Variants in DPYD observed in about 807,000 individuals in gnomAD.
DPYD encodes the protein dihydropyrimidine dehydrogenase, also known as dihydropyrimidine dehydrogenase [NADP(+)].
A neutral mutation model predicts 116.2 loss-of-function variants in DPYD; 109 were observed. That is an observed-to-expected ratio of 0.94 (90% CI 0.80 to 1.10). DPYD has a LOEUF of 1.10. Among genes scored for constraint, DPYD ranks in the 50% least tolerant of loss-of-function variants. DPYD has a pLI of 0.00. For synonymous variants in DPYD, 440 were observed against 432.0 expected, an observed-to-expected ratio of 1.02 and a Z score of -0.23; for missense variants, 1,302 against 1,254.5, an observed-to-expected ratio of 1.04 and a Z score of -0.57.
At chr1:97,852,021 T>G (rs1488283791) in intron 2 of DPYD, among the ~76,000 whole-genome samples, 4 of 117,970 alleles carry the variant, frequency 3.4e-5, no homozygotes, top group Non-Finnish European at 7.2e-5. Flanking sequence ...CTGTGCAATT[T>G]ACAAAAAAAA....
chr1:97,690,882 ATT>A (rs1462127027), intron 7 of DPYD, among the ~76,000 whole-genome samples: 2 of 151,986 alleles, frequency 1.3e-5, no homozygotes, highest in Admixed American at 1.3e-4. Context: ...ACCACAAAAT[ATT>A]TTTTTGAGTG....
chr1:97,669,382 A>G (rs566487452), intron 8 of DPYD, among the ~76,000 whole-genome samples: 2 of 152,256 alleles, frequency 1.3e-5, no homozygotes, highest in Admixed American at 1.3e-4. Flanking sequence ...TTATAACAGT[A>G]CTAAGTAATA....
At chr1:97,238,157 T>C (rs1225492986) in intron 18 of DPYD, among the ~76,000 whole-genome samples, 1 of 152,196 alleles carries the variant, frequency 6.6e-6, no homozygotes, top group East Asian at 1.9e-4. Flanking sequence ...TCTTCCTTTC[T>C]AACGCTTTTA....
chr1:97,332,946 C>G (rs1669091372), intron 16 of DPYD, among the ~76,000 whole-genome samples: 1 of 152,078 alleles, frequency 6.6e-6, no homozygotes, highest in Non-Finnish European at 1.5e-5. Flanking sequence ...GTTGAACTTT[C>G]AAGAGCTTTT....
At chr1:97,683,371 T>C (rs1185738515) in intron 7 of DPYD, among the ~76,000 whole-genome samples, 1 of 151,820 alleles carries the variant, frequency 6.6e-6, no homozygotes, top group Non-Finnish European at 1.5e-5. Context: ...GAAAACAAGA[T>C]GTTATAAGAG....
intron 2 of DPYD, among the ~76,000 whole-genome samples, chr1:97,841,702 T>C (rs748267884): frequency 2.0e-5 from 3 of 151,690 alleles, no homozygotes; most frequent in Non-Finnish European, 4.4e-5. Context: ...CTAAAGGGAG[T>C]AGCAGGGGAA....
intron 12 of DPYD, among the ~76,000 whole-genome samples, chr1:97,548,480 T>C (rs1415893743): frequency 1.3e-5 from 2 of 152,184 alleles, no homozygotes; most frequent in Non-Finnish European, 2.9e-5. Context: ...CTTATGTCTG[T>C]AATCCCAGCA....
At chr1:97,842,613 A>T (rs1170280219) in intron 2 of DPYD, among the ~76,000 whole-genome samples, 1 of 152,056 alleles carries the variant, frequency 6.6e-6, no homozygotes, top group Non-Finnish European at 1.5e-5. Flanking sequence ...TTCATTAATT[A>T]TTATAACTAA....
At chr1:97,554,664 G>C (rs541456813) in intron 11 of DPYD, among the ~76,000 whole-genome samples, 1 of 152,214 alleles carries the variant, frequency 6.6e-6, no homozygotes, top group South Asian at 2.1e-4. Context: ...TGTTTAAATA[G>C]AATAACCTGG....
chr1:97,371,698 T>C (rs1220608988), intron 16 of DPYD, among the ~76,000 whole-genome samples: 2 of 152,210 alleles, frequency 1.3e-5, no homozygotes, highest in Admixed American at 6.5e-5. Context: ...TCATTTAAAA[T>C]ATGTTGGAAC....
At chr1:97,205,301 T>G (rs999026938) in intron 19 of DPYD, among the ~76,000 whole-genome samples, 2 of 152,136 alleles carry the variant, frequency 1.3e-5, no homozygotes, top group African/African-American at 4.8e-5. Context: ...TCTACTATGC[T>G]GTACGTATTC....
intron 20 of DPYD, among the ~76,000 whole-genome samples, chr1:97,127,472 C>T (rs545199624): frequency 1.3e-5 from 2 of 152,124 alleles, no homozygotes; most frequent in Non-Finnish European, 2.9e-5. Flanking sequence ...GTACCTAACT[C>T]CTTTTTCTAT....
chr1:97,563,719 T>C (rs758122021), intron 11 of DPYD, among the ~76,000 whole-genome samples: 2 of 152,204 alleles, frequency 1.3e-5, no homozygotes, highest in Non-Finnish European at 2.9e-5. Flanking sequence ...AAATATCATG[T>C]TGTGCTTCAA....
chr1:97,385,912 G>T (rs974568580), intron 14 of DPYD, among the ~76,000 whole-genome samples: 2 of 152,120 alleles, frequency 1.3e-5, no homozygotes, highest in African/African-American at 4.8e-5. Flanking sequence ...ACTGTGCCAG[G>T]TTGGTTAATT....
intron 16 of DPYD, among the ~76,000 whole-genome samples, chr1:97,319,376 A>G (rs752761132): frequency 5.6e-4 from 77 of 137,704 alleles, no homozygotes; most frequent in Non-Finnish European, 8.8e-4. Context: ...TCAAATAGAC[A>G]CAATAAAAAA....
chr1:97,084,802 A>G lies in DPYD; in HGVS notation c.2767-2332T>C, dbSNP rs139567096. ...CTAATTCATGTTATGGATATTTTCT[A>G]CATTTAGCTTCCCATGTTGTGGTCT... On this transcript the variant is annotated intron_variant, in intron 21 of 22. Transcript: ENST00000370192. Among the ~76,000 whole-genome samples, 7 of 152,296 alleles carry G rather than the reference A, an allele frequency of 4.6e-5. No homozygotes were observed. In the East Asian group the frequency reaches 1.4e-3, roughly 29 times the overall value.
At chr1:97,482,364 C>A (rs534021440) in intron 13 of DPYD, among the ~76,000 whole-genome samples, 2 of 152,220 alleles carry the variant, frequency 1.3e-5, no homozygotes, top group African/African-American at 4.8e-5. Context: ...CTGTATTTTT[C>A]TTTTTCCACT....
At chr1:97,751,406 A>G (rs561743097) in intron 3 of DPYD, among the ~76,000 whole-genome samples, 104 of 140,856 alleles carry the variant, frequency 7.4e-4, no homozygotes, top group Non-Finnish European at 1.4e-3. Flanking sequence ...ATATACATAT[A>G]TACGTGTATA....
intron 5 of DPYD, among the ~76,000 whole-genome samples, chr1:97,701,729 T>C (rs980198578): frequency 6.6e-6 from 1 of 151,830 alleles, no homozygotes; most frequent in South Asian, 2.1e-4. Flanking sequence ...TATCAACAAG[T>C]ATTATAGGGT....
Sources: allele counts gnomAD v4.1 joint callset (sites outside exome capture counted in the v4.1 genomes callset), GRCh38; gene constraint gnomAD v4.1.1; transcripts MANE v1.5; gene names NCBI Gene and HGNC (gene_info 2026-07-23, HGNC 2026-07-21).